PLAG1: variants seen among roughly 807,000 people sequenced by gnomAD.
PLAG1 encodes PLAG1 zinc finger, also known as zinc finger protein PLAG1.
In PLAG1, 7 loss-of-function variants were observed where a neutral mutation model predicts 35.5. The observed-to-expected ratio is 0.20, with a 90% CI of 0.11 to 0.37. The LOEUF (loss-of-function observed/expected upper bound fraction) is 0.37. Ranked by LOEUF, PLAG1 falls within the 10% of genes least tolerant of loss-of-function variation. The pLI, the probability that PLAG1 is intolerant of heterozygous loss-of-function variation, is 1.00. For synonymous variants in PLAG1, 229 were observed against 225.4 expected, an observed-to-expected ratio of 1.02 and a Z score of -0.14; for missense variants, 454 against 602.8, an observed-to-expected ratio of 0.75 and a Z score of 2.58.
rs371203376 is a variant in PLAG1 at position 56,175,914 on chromosome 8, T to C, written c.-217+3495A>G. On this transcript the variant is annotated intron_variant, in intron 2 of 4. Transcript: ENST00000316981. The stretch of plus-strand genomic sequence containing the variant: ...CAGAGAGAATGAACAGATAACCCAA[T>C]GAAGAAGGAGTATCAAGTAAATTTT... 2.7e-3 allele frequency among the ~76,000 whole-genome samples: 416 copies of C among 152,292 alleles called. 3 individuals are homozygous for C. The highest frequency in any genetic ancestry group is 9.5e-3 in the African/African-American group (393 of 41,558).
intron 2 of PLAG1, among the ~76,000 whole-genome samples, chr8:56,174,402 T>C (rs193230926): frequency 3.0e-4 from 46 of 152,332 alleles, no homozygotes; most frequent in Admixed American, 2.5e-3. Flanking sequence ...TCGGTGTTTC[T>C]GCATAATTTG....
At chr8:56,209,617 C>A (rs944860070) in intron 1 of PLAG1, 1 of 152,286 alleles carries the variant, frequency 6.6e-6, no homozygotes, top group African/African-American at 2.4e-5. Flanking sequence ...GAGACATCAT[C>A]CTTTTATACA....
intron 2 of PLAG1, among the ~76,000 whole-genome samples, chr8:56,179,023 C>CAAAAAAA (rs1173709224): frequency 1.9e-4 from 8 of 42,922 alleles, no homozygotes; most frequent in Admixed American, 1.2e-3. Context: ...GCCCAGGAGA[C>CAAAAAAA]AAAAAAAAAA....
At chr8:56,199,821 A>C (rs1191394811) in intron 1 of PLAG1, among the ~76,000 whole-genome samples, 1 of 152,168 alleles carries the variant, frequency 6.6e-6, no homozygotes, top group Non-Finnish European at 1.5e-5. Flanking sequence ...CTTCTCTGGG[A>C]GCTAAGCTAG....
intron 2 of PLAG1, among the ~76,000 whole-genome samples, chr8:56,178,425 TATAG>T (rs1408118645): frequency 2.6e-5 from 4 of 152,168 alleles, no homozygotes; most frequent in African/African-American, 9.7e-5. Flanking sequence ...TTTTATAGCA[TATAG>T]ATAGCTAAAA....
intron 3 of PLAG1, among the ~76,000 whole-genome samples, chr8:56,168,920 G>T (rs1424077302): frequency 6.6e-6 from 1 of 152,146 alleles, no homozygotes. Flanking sequence ...GACACTAGAG[G>T]CCTGAAAGAG....
chr8:56,189,882 G>A (rs1346788449), intron 1 of PLAG1, among the ~76,000 whole-genome samples: 2 of 152,154 alleles, frequency 1.3e-5, no homozygotes, highest in Admixed American at 6.5e-5. Context: ...GGAGCTGATG[G>A]TGTCTTAAGG....
At chr8:56,186,086 C>T (rs1268433059) in intron 1 of PLAG1, among the ~76,000 whole-genome samples, 1 of 151,976 alleles carries the variant, frequency 6.6e-6, no homozygotes, top group African/African-American at 2.4e-5. Context: ...GTTTTTGGAG[C>T]TAAGAGCAAG....
chr8:56,195,122 AATT>A (rs1347003571), intron 1 of PLAG1, among the ~76,000 whole-genome samples: 1 of 152,194 alleles, frequency 6.6e-6, no homozygotes, highest in Non-Finnish European at 1.5e-5. Context: ...TTATTATCAT[AATT>A]ATTAGCCAAA....
chr8:56,166,066 A>C lies in PLAG1; in HGVS notation c.*177T>G, dbSNP rs911820184. ...TACCCAGGTAAACTTAACTGAACAC[A>C]AATGGTTCCAAAGCTCAGTTTAAAA... On this transcript the variant is annotated 3_prime_UTR_variant, in exon 5 of 5. Transcript: ENST00000316981. 5 of 405,224 alleles carry C rather than the reference A, an allele frequency of 1.2e-5. No individual in the cohort carries two copies. The highest frequency in any genetic ancestry group is 1.0e-4 in the African/African-American group (5 of 49,146). The allele number at this position is 405,224 out of a possible 1,614,324, so 25.1% of individuals were successfully genotyped here.
At chr8:56,203,962 T>C (rs1812630257) in intron 1 of PLAG1, among the ~76,000 whole-genome samples, 1 of 152,016 alleles carries the variant, frequency 6.6e-6, no homozygotes, top group Non-Finnish European at 1.5e-5. Context: ...GTTTGAGGTG[T>C]AGCTTATTTA....
chr8:56,210,490 G>A (rs1812850285), intron 1 of PLAG1, among the ~76,000 whole-genome samples: 1 of 147,514 alleles, frequency 6.8e-6, no homozygotes, highest in Admixed American at 7.0e-5. Context: ...CCTGAGGAAA[G>A]GGCAAAAACA....
chr8:56,198,316 T>G (rs1046960983), intron 1 of PLAG1, among the ~76,000 whole-genome samples: 1 of 152,050 alleles, frequency 6.6e-6, no homozygotes, highest in African/African-American at 2.4e-5. Context: ...GACGTGGCTG[T>G]GCAGGCACAG....
At chr8:56,183,791 T>C (rs956507492) in intron 1 of PLAG1, among the ~76,000 whole-genome samples, 15 of 152,048 alleles carry the variant, frequency 9.9e-5, no homozygotes, top group African/African-American at 3.6e-4. Context: ...ATCAAGAAAA[T>C]GAAATTGGAA....
intron 1 of PLAG1, among the ~76,000 whole-genome samples, chr8:56,199,656 G>A (rs537260039): frequency 2.6e-5 from 4 of 152,224 alleles, no homozygotes; most frequent in South Asian, 2.1e-4. Flanking sequence ...CAGAAGCCCC[G>A]GTATACAGCC....
intron 1 of PLAG1, among the ~76,000 whole-genome samples, chr8:56,200,089 C>T (rs1812507058): frequency 6.6e-6 from 1 of 152,154 alleles, no homozygotes; most frequent in Admixed American, 6.5e-5. Flanking sequence ...CACCCTGACA[C>T]TCAACTGCAG....
intron 1 of PLAG1, among the ~76,000 whole-genome samples, chr8:56,199,918 C>T (rs1369002538): frequency 2.6e-5 from 4 of 152,180 alleles, no homozygotes; most frequent in South Asian, 4.1e-4. Flanking sequence ...AATGGGGATG[C>T]AGGTAAAAGA....
At chr8:56,172,567 G>A (rs1811564912) in intron 2 of PLAG1, among the ~76,000 whole-genome samples, 1 of 152,144 alleles carries the variant, frequency 6.6e-6, no homozygotes, top group South Asian at 2.1e-4. Flanking sequence ...CCTGACACGT[G>A]TGGAGTGTTT....
intron 1 of PLAG1, among the ~76,000 whole-genome samples, chr8:56,202,571 A>T (rs1398812493): frequency 6.6e-6 from 1 of 152,228 alleles, no homozygotes; most frequent in Non-Finnish European, 1.5e-5. Flanking sequence ...AGCTATTATG[A>T]GTCAGCCTCT....
Sources: gnomAD v4.1 joint callset for allele counts (sites outside exome capture counted in the v4.1 genomes callset) on GRCh38, gnomAD v4.1.1 for gene constraint, MANE v1.5 for transcripts, NCBI Gene and HGNC (gene_info 2026-07-23, HGNC 2026-07-21) for gene names.